Variants in LRP2 observed in about 807,000 individuals in gnomAD.
The protein encoded by LRP2 is LDL receptor related protein 2, also known as low-density lipoprotein receptor-related protein 2.
Under a neutral mutation model 531.0 loss-of-function variants are expected in LRP2, and 172 were observed. The observed-to-expected ratio is 0.32, with a 90% CI of 0.29 to 0.37. The LOEUF (loss-of-function observed/expected upper bound fraction) is 0.37, where lower values mean the gene tolerates loss of function less well. Ranked by LOEUF, LRP2 falls within the 10% of genes least tolerant of loss-of-function variation. The pLI is 1.00. For synonymous variants in LRP2, 1,992 were observed against 2,027.6 expected (o/e 0.98, Z 0.47); for missense variants, 5,167 against 5,868.3 (o/e 0.88, Z 3.90).
At position 169,215,682 on chromosome 2, in the gene LRP2, AATAG is replaced by A. The variant is rs1315392055; in HGVS notation, c.5826+567_5826+570del. Among the ~76,000 whole-genome samples, 19 of 148,456 alleles carry A rather than the reference AATAG, an allele frequency of 1.3e-4. No individual in the cohort carries two copies. In the East Asian group the frequency reaches 2.7e-3, roughly 21 times the overall value. Reference sequence around the variant, plus strand: ...TATATAAATTCTATATTCTATATATAATAGATATATATTCTGTATTCTATAAATA... The same window carrying A: ...TATATAAATTCTATATTCTATATATAATATATATTCTGTATTCTATAAATA... On this transcript the variant is annotated intron_variant, in intron 35 of 78. Transcript: ENST00000649046.
intron 19 of LRP2, 32 bp from the exon 20 acceptor site, chr2:169,247,547 C>A: frequency 6.2e-7 from 1 of 1,612,214 alleles, no homozygotes; most frequent in Non-Finnish European, 8.5e-7. Flanking sequence ...TTAGTATTTT[C>A]AGTCACAGCT....
chr2:169,235,865 C>T lies in LRP2; in HGVS notation c.4895G>A (p.Arg1632Gln), dbSNP rs770469427. The stretch of plus-strand genomic sequence containing the variant: ...CAAATCACTGGCTATCACCTGTCTC[C>T]GATGGTGTCCATTATAATCACAAAA... The part of the protein sequence containing the change: ...MDFCDYNGHH[R>Q]RQVIASDLII... The change falls in exon 29 of 79, where the codon CGG becomes CAG. Residue 1632 changes from arginine to glutamine, a missense_variant. By Grantham distance (43) the Arg-to-Gln change is conservative. Transcript: ENST00000649046. 9 of 1,613,992 alleles carry T rather than the reference C, an allele frequency of 5.6e-6. No individual in the cohort carries two copies. Among genetic ancestry groups the T allele is most frequent in the East Asian group, 2.2e-5 (1 of 44,894 alleles).
At position 169,312,027 on chromosome 2, in the gene LRP2, G is replaced by A. The variant is rs189062529; in HGVS notation, c.311-4630C>T. On this transcript the variant is annotated intron_variant, in intron 3 of 78. Transcript: ENST00000649046. Reference sequence around the variant, plus strand: ...ATCAGAGACTAGGATTGCAACCCCTGCCTTTTTTTGTGTTTTCCATTTGCT... The same window carrying A: ...ATCAGAGACTAGGATTGCAACCCCTACCTTTTTTTGTGTTTTCCATTTGCT... Among the ~76,000 whole-genome samples the A allele has an allele frequency of 2.0e-5, 3 of 152,222 alleles. No individual in the cohort carries two copies. In the East Asian group the frequency reaches 5.8e-4, roughly 29 times the overall value.
intron 1 of LRP2, among the ~76,000 whole-genome samples, chr2:169,337,861 C>T (rs1685447838): frequency 1.3e-5 from 2 of 152,184 alleles, no homozygotes; most frequent in African/African-American, 4.8e-5. Context: ...AATCCCAACA[C>T]TTTGGGAGGC....
intron 16 of LRP2, among the ~76,000 whole-genome samples, chr2:169,266,612 G>A (rs1265255762): frequency 6.6e-6 from 1 of 152,056 alleles, no homozygotes; most frequent in African/African-American, 2.4e-5. Flanking sequence ...AATGTGGGAA[G>A]CTGGAATTTG....
At chr2:169,299,211 G>A (rs192565481) in intron 4 of LRP2, among the ~76,000 whole-genome samples, 1 of 152,016 alleles carries the variant, frequency 6.6e-6, no homozygotes, top group Non-Finnish European at 1.5e-5. Context: ...CTTGGAAAGA[G>A]AAAGAAAATA....
intron 10 of LRP2, among the ~76,000 whole-genome samples, 158 bp from the exon 11 acceptor site, chr2:169,280,677 T>G (rs543815362): frequency 3.9e-5 from 6 of 152,302 alleles, no homozygotes; most frequent in Non-Finnish European, 7.4e-5. Flanking sequence ...TAGCTAGCAT[T>G]CTATCCATTT....
chr2:169,197,947 C>T (rs991030873), intron 45 of LRP2, among the ~76,000 whole-genome samples: 1 of 152,196 alleles, frequency 6.6e-6, no homozygotes, highest in African/African-American at 2.4e-5. Flanking sequence ...GAAGTCCAAT[C>T]ACTAAATCCT....
intron 67 of LRP2, among the ~76,000 whole-genome samples, chr2:169,152,587 A>G (rs1490666358): frequency 1.3e-5 from 2 of 152,128 alleles, no homozygotes; most frequent in Non-Finnish European, 2.9e-5. Flanking sequence ...CATGGCCCAC[A>G]AAGAATACAG....
chr2:169,206,446 T>C lies in LRP2; in HGVS notation c.7274A>G (p.Asp2425Gly). The C allele has an allele frequency of 6.2e-7, 1 of 1,613,744 alleles. No homozygotes were observed. The change falls in exon 39 of 79, where the codon GAC becomes GGC. Residue 2425 changes from aspartate to glycine, a missense_variant. This residue lies in a region of LRP2 where 2,811 missense variants were observed against 3,058.0 expected (regional missense o/e 0.92). Coordinates refer to ENST00000649046, the MANE Select transcript of LRP2 (RefSeq NM_004525.3). ...INVERTVMSL[D>G]YDSVSDRIYF... ...GATTCTATCACTTACACTGTCATAGTCTAGAGACATGACAGTTCTTTCCAC... is the reference window on the plus strand; with the variant it reads ...GATTCTATCACTTACACTGTCATAGCCTAGAGACATGACAGTTCTTTCCAC...
rs1689492917 is a variant in LRP2 at position 169,233,594 on chromosome 2, A to C, written c.4921-6T>G. On this transcript the variant is annotated splice_region_variant and splice_polypyrimidine_tract_variant and intron_variant, in intron 29 of 78. Coordinates refer to ENST00000649046, the MANE Select transcript of LRP2 (RefSeq NM_004525.3). ...GCATAGGGGTGCCGTATAATCTGTG[A>C]GGCAGAAGAGAACAGTGAGACCTCA... 8 of 1,613,992 alleles carry C rather than the reference A, an allele frequency of 5.0e-6. No individual in the cohort carries two copies. In the East Asian group the frequency reaches 1.8e-4, roughly 36 times the overall value.
chr2:169,329,280 C>T (rs574285257), intron 1 of LRP2, among the ~76,000 whole-genome samples: 11 of 152,266 alleles, frequency 7.2e-5, no homozygotes, highest in African/African-American at 2.6e-4. Context: ...TGATCACTCA[C>T]GCCTGTAATC....
intron 23 of LRP2, 97 bp from the exon 24 acceptor site, chr2:169,243,169 A>T: frequency 9.4e-7 from 1 of 1,059,392 alleles, no homozygotes; most frequent in Non-Finnish European, 1.4e-6. Flanking sequence ...TAAGTTCTGG[A>T]GTACATATGC....
intron 69 of LRP2, among the ~76,000 whole-genome samples, chr2:169,146,322 G>GAAC (rs980090172): frequency 3.3e-5 from 5 of 152,082 alleles, no homozygotes; most frequent in African/African-American, 1.2e-4. Context: ...TGCAGAGTCT[G>GAAC]AACAACAACA....
chr2:169,321,987 A>G (rs1177992355), intron 1 of LRP2, among the ~76,000 whole-genome samples: 1 of 152,214 alleles, frequency 6.6e-6, no homozygotes, highest in Non-Finnish European at 1.5e-5. Context: ...TTTTTCAAAG[A>G]AAGCAGCCAC....
At chr2:169,137,649 CAAAAAAAAA>C (rs1160173051) in intron 75 of LRP2, among the ~76,000 whole-genome samples, 156 bp from the exon 76 acceptor site, 3 of 45,490 alleles carry the variant, frequency 6.6e-5, no homozygotes, top group African/African-American at 1.4e-4. Flanking sequence ...AGAGAACTTG[CAAAAAAAAA>C]AAAAAAAAAA....
intron 76 of LRP2, among the ~76,000 whole-genome samples, chr2:169,132,954 C>A (rs371474213): frequency 1.1e-4 from 17 of 152,268 alleles, no homozygotes; most frequent in Admixed American, 6.5e-5. Context: ...TTATTACTAG[C>A]AATTTCTACT....
intron 56 of LRP2, among the ~76,000 whole-genome samples, chr2:169,173,486 T>C (rs1687076613): frequency 6.6e-6 from 1 of 152,150 alleles, no homozygotes; most frequent in South Asian, 2.1e-4. Flanking sequence ...GGGTTTGAAG[T>C]AAAAAACCTG....
rs752174239 is a variant in LRP2, at chr2:169,257,135, G to T, written c.2628C>A (p.Ala876=). ...TGATTCCTACTTACGCCCAATCGAT[G>T]GCCAAGCCATTGGGCCATCCAAGAG... The part of the protein sequence containing the change: ...NTTLGWPNGL[A]IDWAASRLYW... Residue 876 remains alanine, a synonymous_variant, in exon 18 of 79, where the codon GCC becomes GCA. Coordinates refer to ENST00000649046, the MANE Select transcript of LRP2 (RefSeq NM_004525.3). The T allele has an allele frequency of 6.2e-7, 1 of 1,612,768 alleles. No homozygotes were observed. Among genetic ancestry groups the T allele is most frequent in the Non-Finnish European group, 8.5e-7 (1 of 1,179,110 alleles).
Sources: gnomAD v4.1 joint callset for allele counts (sites outside exome capture counted in the v4.1 genomes callset) on GRCh38, gnomAD v4.1.1 for gene constraint, gnomAD v4.1.1 regional missense constraint, MANE v1.5 for transcripts, NCBI Gene and HGNC (gene_info 2026-07-23, HGNC 2026-07-21) for gene names.